SFXN5: variants seen among roughly 807,000 people sequenced by gnomAD.
SFXN5 encodes the protein sideroflexin-5.
A neutral mutation model predicts 50.2 loss-of-function variants in SFXN5; 43 were observed. The observed-to-expected ratio is 0.86, with a 90% CI of 0.67 to 1.11. The LOEUF (loss-of-function observed/expected upper bound fraction) is 1.11, where lower values mean the gene tolerates loss of function less well. Ranked by LOEUF, SFXN5 falls within the 50% of genes least tolerant of loss-of-function variation. SFXN5 has a pLI of 0.00. For synonymous variants in SFXN5, 203 were observed against 185.8 expected, an observed-to-expected ratio of 1.09 and a Z score of -0.75; for missense variants, 463 against 454.1, an observed-to-expected ratio of 1.02 and a Z score of -0.18.
chr2:73,004,880 T>G (rs745925704), intron 6 of SFXN5, among the ~76,000 whole-genome samples: 4 of 152,220 alleles, frequency 2.6e-5, no homozygotes, highest in Non-Finnish European at 5.9e-5. Context: ...CCTTTTTTCT[T>G]TTTAAGTCTA....
rs577489173 is a variant in SFXN5 at position 72,949,257 on chromosome 2, A to G, written c.946-4158T>C. Among the ~76,000 whole-genome samples, 59 of 152,256 alleles carry G rather than the reference A, an allele frequency of 3.9e-4. No homozygotes were observed. The South Asian group carries it at 0.012, about 32-fold the overall frequency. On this transcript the variant is annotated intron_variant, in intron 13 of 13. Transcript: ENST00000272433. ...TTGTAGGCTACATGAAGGTGTCAGC[A>G]TTTTACCTGAGGGCAATAGGGAGCC... is the stretch of plus-strand genomic sequence containing the variant.
chr2:72,968,483 C>G lies in SFXN5; in HGVS notation c.792G>C (p.Leu264=). ...LTRVVLPMPI[L]VLPPIVMSML... is the part of the protein sequence containing the mutation. Reference sequence around the variant, plus strand: ...TGGACATGACGATCGGGGGTAGCACCAGGATGGGCATGGGCAGGACCACTC... The same window carrying G: ...TGGACATGACGATCGGGGGTAGCACGAGGATGGGCATGGGCAGGACCACTC... The change falls in exon 12 of 14, where the codon CTG becomes CTC. Residue 264 remains leucine, a synonymous_variant. Transcript: ENST00000272433. 1 of 1,613,190 alleles carries G rather than the reference C, an allele frequency of 6.2e-7. No individual in the cohort carries two copies. Among genetic ancestry groups the G allele is most frequent in the Non-Finnish European group, 8.5e-7 (1 of 1,180,002 alleles).
intron 3 of SFXN5, among the ~76,000 whole-genome samples, chr2:73,031,935 C>T (rs766848073): frequency 1.3e-5 from 2 of 152,192 alleles, no homozygotes; most frequent in African/African-American, 2.4e-5. Flanking sequence ...TCCTGTCCTA[C>T]GGTGTATGAG....
chr2:72,985,907 A>G, intron 10 of SFXN5, among the ~76,000 whole-genome samples: 1 of 152,218 alleles, frequency 6.6e-6, no homozygotes, highest in Non-Finnish European at 1.5e-5. Context: ...GACCACCTCA[A>G]GGTGACACAG....
intron 4 of SFXN5, 78 bp from the exon 5 acceptor site, chr2:73,022,654 G>T: frequency 1.4e-6 from 1 of 698,720 alleles, no homozygotes; most frequent in Non-Finnish European, 2.6e-6. Flanking sequence ...AGGGAGGAGG[G>T]AGAAAAGCAG....
intron 12 of SFXN5, among the ~76,000 whole-genome samples, chr2:72,964,251 C>T (rs949993829): frequency 2.6e-5 from 4 of 152,204 alleles, no homozygotes; most frequent in African/African-American, 9.6e-5. Flanking sequence ...GTTCTTTTGT[C>T]TTTTTTCCTT....
intron 6 of SFXN5, among the ~76,000 whole-genome samples, chr2:73,004,325 A>G (rs1218085816): frequency 3.4e-5 from 5 of 148,398 alleles, no homozygotes; most frequent in African/African-American, 7.3e-5. Flanking sequence ...GCACACACAC[A>G]CACACACACA....
At chr2:72,966,936 C>T (rs1306292278) in intron 12 of SFXN5, among the ~76,000 whole-genome samples, 1 of 152,196 alleles carries the variant, frequency 6.6e-6, no homozygotes, top group Non-Finnish European at 1.5e-5. Flanking sequence ...GACCCCAAAT[C>T]TACTCTTCCC....
At chr2:73,030,124 A>C (rs980928519) in intron 3 of SFXN5, among the ~76,000 whole-genome samples, 1 of 151,950 alleles carries the variant, frequency 6.6e-6, no homozygotes, top group African/African-American at 2.4e-5. Flanking sequence ...ACGAACAAAA[A>C]AAAACAAAAA....
At chr2:73,065,216 C>G (rs1299991556) in intron 1 of SFXN5, among the ~76,000 whole-genome samples, 1 of 151,980 alleles carries the variant, frequency 6.6e-6, no homozygotes, top group Non-Finnish European at 1.5e-5. Context: ...TCCTCCTGCC[C>G]CAGCCTCCCA....
intron 4 of SFXN5, 29 bp downstream of exon 4, chr2:73,023,159 A>G: frequency 6.3e-7 from 1 of 1,597,756 alleles, no homozygotes; most frequent in South Asian, 1.1e-5. Context: ...AACACGGAGA[A>G]GGAAATAGAG....
chr2:73,058,623 T>C (rs10180720), intron 1 of SFXN5, 27 bp from the exon 2 acceptor site: 30 of 1,607,484 alleles, frequency 1.9e-5, no homozygotes, highest in Admixed American at 1.7e-5. Context: ...GAGAGAAGAG[T>C]GAATGGATCA....
intron 3 of SFXN5, among the ~76,000 whole-genome samples, chr2:73,036,139 G>A (rs1466907351): frequency 1.3e-5 from 2 of 152,176 alleles, no homozygotes; most frequent in Admixed American, 1.3e-4. Flanking sequence ...AGAACCACCC[G>A]GGCCGCTTCA....
chr2:73,049,256 C>A (rs1218716595), intron 2 of SFXN5: 2 of 152,248 alleles, frequency 1.3e-5, no homozygotes, highest in East Asian at 1.9e-4. Context: ...GCAAGAGGGC[C>A]AAACCCTGTG....
intron 12 of SFXN5, among the ~76,000 whole-genome samples, chr2:72,962,800 T>C (rs1673895448): frequency 6.6e-6 from 1 of 152,228 alleles, no homozygotes; most frequent in African/African-American, 2.4e-5. Flanking sequence ...CTTCCAGTCC[T>C]TCCCACAGGC....
intron 1 of SFXN5, chr2:73,059,835 T>G (rs903676529): frequency 1.0e-6 from 1 of 964,840 alleles, no homozygotes; most frequent in Non-Finnish European, 1.2e-6. Flanking sequence ...TCTGAGAATG[T>G]AGTCTAAGGA....
At chr2:73,012,730 C>T (rs1046838676) in intron 6 of SFXN5, among the ~76,000 whole-genome samples, 12 of 146,780 alleles carry the variant, frequency 8.2e-5, no homozygotes, top group Non-Finnish European at 1.6e-4. Flanking sequence ...AAGTATAATA[C>T]AGGTGTTAAG....
Position 72,961,076 on chromosome 2 carries a change from A to T in SFXN5, c.945+55T>A. Reference sequence around the variant, plus strand: ...GGCACGGTATGAGTATTTGTTCAGAAATCACCAAACAGCACCCCCTGCCCT... The same window carrying T: ...GGCACGGTATGAGTATTTGTTCAGATATCACCAAACAGCACCCCCTGCCCT... On this transcript the variant is annotated intron_variant, in intron 13 of 13. Transcript: ENST00000272433. This position sits in a 1 kb window ranked among gnomAD's most constrained non-coding sequence, Gnocchi z 4.4. The T allele has an allele frequency of 7.9e-7, 1 of 1,269,778 alleles. No homozygotes were observed. Among genetic ancestry groups the T allele is most frequent in the Non-Finnish European group, 1.1e-6 (1 of 937,654 alleles). 78.7% of individuals were successfully genotyped at this position (1,269,778 alleles called of 1,614,324 possible).
chr2:72,966,232 C>T (rs530116242), intron 12 of SFXN5, among the ~76,000 whole-genome samples: 10 of 152,292 alleles, frequency 6.6e-5, no homozygotes, highest in South Asian at 2.1e-4. Context: ...AAAGTTGCTT[C>T]GCTTGACTTG....
Sources: allele counts gnomAD v4.1 joint callset (sites outside exome capture counted in the v4.1 genomes callset), GRCh38; gene constraint gnomAD v4.1.1; non-coding constraint Gnocchi (gnomAD v3.1); transcripts MANE v1.5; gene names NCBI Gene and HGNC (gene_info 2026-07-23, HGNC 2026-07-21).